The following ABI3 variants were observed in gnomAD, a reference collection of about 807,000 sequenced individuals.
ABI3 encodes the protein ABI gene family member 3.
ABI3 carries 24 observed loss-of-function variants against 37.0 expected under a neutral mutation model. That is an observed-to-expected ratio of 0.65 (90% CI 0.47 to 0.91). The LOEUF (loss-of-function observed/expected upper bound fraction) is 0.91. Among genes scored for constraint, ABI3 ranks in the 40% least tolerant of loss-of-function variants. The probability of loss-of-function intolerance (pLI) is 0.00; values close to 1 mark genes in which losing one functional copy is unlikely to be tolerated. For synonymous variants in ABI3, 220 were observed against 211.8 expected (o/e 1.04, Z -0.34); for missense variants, 481 against 485.1 (o/e 0.99, Z 0.08).
Position 49,222,992 on chromosome 17 carries a change from T to C in ABI3, c.*277T>C. ...AGGGTCTCCTGCTGCAAGTCCCAAC[T>C]TTGAATAAAACAGATGATGTCCTGT... On this transcript the variant is annotated 3_prime_UTR_variant, in exon 8 of 8. Coordinates refer to ENST00000225941, the MANE Select transcript of ABI3 (RefSeq NM_016428.3). The C allele has an allele frequency of 2.0e-6, 1 of 506,976 alleles. No homozygotes were observed. Among genetic ancestry groups the C allele is most frequent in the Non-Finnish European group, 3.5e-6 (1 of 285,724 alleles). 31.4% of individuals were successfully genotyped at this position (506,976 alleles called of 1,614,324 possible).
chr17:49,219,908 G>A lies in ABI3; in HGVS notation c.599G>A (p.Gly200Asp), dbSNP rs573287028. Residue 200 changes from glycine to aspartate, a missense_variant, in exon 5 of 8, where the codon GGC (glycine) becomes GAC (aspartate). Physicochemically the swap from Gly to Asp is moderately conservative, Grantham distance 94. Coordinates refer to ENST00000225941, the MANE Select transcript of ABI3 (RefSeq NM_016428.3). This position sits in a 1 kb window ranked among gnomAD's most constrained non-coding sequence, Gnocchi z 4.3. The part of the protein sequence containing the change: ...EPVHLPVVPD[G>D]RLSAASSAFS... Reference sequence around the variant, plus strand: ...GTGCACCTGCCGGTGGTGCCCGACGGCAGACTCTCCGCCGCCTCCTCTGCG... The same window carrying A: ...GTGCACCTGCCGGTGGTGCCCGACGACAGACTCTCCGCCGCCTCCTCTGCG... 2.6e-6 allele frequency: 4 copies of A among 1,556,964 alleles called. No homozygotes were observed. In the African/African-American group the frequency reaches 5.4e-5, roughly 21 times the overall value.
Position 49,219,527 on chromosome 17 carries a change from C to T in ABI3, c.463-13C>T, listed in dbSNP as rs777747213. 1.3e-5 allele frequency: 20 copies of T among 1,590,922 alleles called. No individual in the cohort carries two copies. In the South Asian group the frequency reaches 2.1e-4, roughly 16 times the overall value. ...CACCCCAAATGTAAGCCCTACCTCC[C>T]GCTCCCTCGCAGGACCTCAGCACGC... On this transcript the variant is annotated splice_polypyrimidine_tract_variant and intron_variant, in intron 3 of 7. Transcript: ENST00000225941. The surrounding 1 kb of genome is among the most constrained non-coding windows in gnomAD (Gnocchi z 4.3).
In ABI3 at chr17:49,220,948, G is replaced by C. The variant is rs371228642; in HGVS notation, c.802+622G>C. Among the ~76,000 whole-genome samples the C allele has an allele frequency of 3.4e-4, 51 of 151,860 alleles. 2 individuals are homozygous for C. The East Asian group carries it at 8.5e-3, about 25-fold the overall frequency. ...TCACGGCCGTAATCCCGGCACTTTG[G>C]GGGGCTGTGGAGGGCGGATCACTTG... On this transcript the variant is annotated intron_variant, in intron 6 of 7. Transcript: ENST00000225941.
Position 49,221,974 on chromosome 17 carries a change from C to T in ABI3, c.803-117C>T, listed in dbSNP as rs2043294733. On this transcript the variant is annotated intron_variant, in intron 6 of 7. Transcript: ENST00000225941. The stretch of plus-strand genomic sequence containing the variant: ...CCTCAGGTGATCTGCCCGCCTTGGC[C>T]TCCCAACGTGCCTCGCTGAGATGGG... 8 of 1,375,784 alleles carry T rather than the reference C, an allele frequency of 5.8e-6. No homozygotes were observed. The Admixed American group carries it at 1.7e-4, about 28-fold the overall frequency. 85.2% of individuals were successfully genotyped at this position (1,375,784 alleles called of 1,614,324 possible).
rs1348338955 is a variant in ABI3 at position 49,220,171 on chromosome 17, GCGCCGAAGGTGTCGGTGGGGCCC to G, written c.649_671del (p.Ala217HisfsTer63). ...CAACCGGGCTCTCTGGTGTTCAGCAGCGCCGAAGGTGTCGGTGGGGCCCCCACGCCCAAGGGGCAGGCAGCACC... is the reference window on the plus strand; with the variant it reads ...CAACCGGGCTCTCTGGTGTTCAGCAGCCACGCCCAAGGGGCAGGCAGCACC... On this transcript the variant is annotated frameshift_variant, in exon 6 of 8. Coordinates refer to ENST00000225941, the MANE Select transcript of ABI3 (RefSeq NM_016428.3). LOFTEE classifies it high-confidence loss of function. 35 of 1,611,914 alleles carry G rather than the reference GCGCCGAAGGTGTCGGTGGGGCCC, an allele frequency of 2.2e-5. No individual in the cohort carries two copies. Among genetic ancestry groups the G allele is most frequent in the Non-Finnish European group, 2.9e-5 (34 of 1,179,964 alleles).
chr17:49,222,525 A>T, intron 7 of ABI3, 27 bp from the exon 8 acceptor site: 1 of 1,610,546 alleles, frequency 6.2e-7, no homozygotes, highest in South Asian at 1.1e-5. Flanking sequence ...GCATTATCTC[A>T]CGGCACCCTC....
rs371106947 is a variant in ABI3 at position 49,222,116 on chromosome 17, C to T, written c.828C>T (p.Asp276=). ...ACGAAGAGCTGCCCCTGCCACTGGA[C>T]CTGCCTCCTCCTCCACCCCTGGATG... is the stretch of plus-strand genomic sequence containing the variant. ...PPDEELPLPL[D]LPPPPPLDGD... is the part of the protein sequence containing the mutation. The change falls in exon 7 of 8, where the codon GAC becomes GAT. Residue 276 remains aspartate (D), a synonymous_variant. Coordinates refer to ENST00000225941, the MANE Select transcript of ABI3 (RefSeq NM_016428.3). The T allele has an allele frequency of 2.0e-5, 32 of 1,611,464 alleles. No homozygotes were observed. Among genetic ancestry groups the T allele is most frequent in the Middle Eastern group, 3.3e-4 (2 of 6,012 alleles).
chr17:49,219,094 C>T lies in ABI3; in HGVS notation c.463-446C>T, dbSNP rs1042024665. ...CCCTCTAAGTGGCCTGGGTCTTGCT[C>T]CTCTCTGCCCTAACTCCCCAAAGCC... On this transcript the variant is annotated intron_variant, in intron 3 of 7. Coordinates refer to ENST00000225941, the MANE Select transcript of ABI3 (RefSeq NM_016428.3). The surrounding 1 kb of genome is among the most constrained non-coding windows in gnomAD (Gnocchi z 4.3). 1.6e-4 allele frequency among the ~76,000 whole-genome samples: 24 copies of T among 152,238 alleles called. No individual in the cohort carries two copies. Among genetic ancestry groups the T allele is most frequent in the Non-Finnish European group, 2.8e-4 (19 of 68,022 alleles).
At chr17:49,214,376 T>C (rs1360374676) in intron 1 of ABI3, among the ~76,000 whole-genome samples, 1 of 152,120 alleles carries the variant, frequency 6.6e-6, no homozygotes, top group Non-Finnish European at 1.5e-5. Flanking sequence ...CCGGAGAAGT[T>C]TTGCCCTAGC....
Position 49,219,780 on chromosome 17 carries a change from C to T in ABI3, c.549-78C>T. 1 of 1,474,086 alleles carries T rather than the reference C, an allele frequency of 6.8e-7. No individual in the cohort carries two copies. Among genetic ancestry groups the T allele is most frequent in the Non-Finnish European group, 9.2e-7 (1 of 1,088,704 alleles). The allele number at this position is 1,474,086 out of a possible 1,614,324, so 91.3% of individuals were successfully genotyped here. On this transcript the variant is annotated intron_variant, in intron 4 of 7. Transcript: ENST00000225941. This position sits in a 1 kb window ranked among gnomAD's most constrained non-coding sequence, Gnocchi z 4.3. Reference sequence around the variant, plus strand: ...CAAACCTCCCCCTCGGCCACCTGCCCTTCCTGCTCGCACCCGACCCCTGCT... The same window carrying T: ...CAAACCTCCCCCTCGGCCACCTGCCTTTCCTGCTCGCACCCGACCCCTGCT...
rs2043220955 is a variant in ABI3, at chr17:49,216,623, G to C, written c.210G>C (p.Gly70=). The part of the protein sequence containing the change: ...SVAYQVGNLA[G]HTLRMLDLQG... The stretch of plus-strand genomic sequence containing the variant: ...CCTACCAGGTGGGCAACCTGGCCGG[G>C]CACACTCTGCGCATGTTGGACCTGC... Residue 70 remains glycine (G), a synonymous_variant, in exon 2 of 8, where the codon GGG becomes GGC. Coordinates refer to ENST00000225941, the MANE Select transcript of ABI3 (RefSeq NM_016428.3). 6.2e-7 allele frequency: 1 copy of C among 1,611,292 alleles called. No individual in the cohort carries two copies. Among genetic ancestry groups the C allele is most frequent in the Non-Finnish European group, 8.5e-7 (1 of 1,179,030 alleles).
chr17:49,221,057 C>T lies in ABI3; in HGVS notation c.802+731C>T, dbSNP rs915194697. Among the ~76,000 whole-genome samples, 5 of 151,120 alleles carry T rather than the reference C, an allele frequency of 3.3e-5. No individual in the cohort carries two copies. In the East Asian group the frequency reaches 9.8e-4, roughly 30 times the overall value. On this transcript the variant is annotated intron_variant, in intron 6 of 7. Transcript: ENST00000225941. ...GCGTGGTGGTGCGTGCCTGTAATTCCAGCTACTCAGGAGGCTGAGGCAGGA... is the reference window on the plus strand; with the variant it reads ...GCGTGGTGGTGCGTGCCTGTAATTCTAGCTACTCAGGAGGCTGAGGCAGGA...
chr17:49,217,652 A>G (rs1482503309), intron 2 of ABI3, 87 bp from the exon 3 acceptor site: 1 of 1,232,764 alleles, frequency 8.1e-7, no homozygotes, highest in Non-Finnish European at 1.1e-6. Context: ...TCCCCCCCCC[A>G]GCCCAGTCTT....
At chr17:49,212,073 T>G (rs1039659435) in intron 1 of ABI3, among the ~76,000 whole-genome samples, 6 of 152,076 alleles carry the variant, frequency 3.9e-5, no homozygotes, top group Admixed American at 2.0e-4. Flanking sequence ...CACCTCAGCC[T>G]TCTGAGTAGC....
At chr17:49,216,741 C>T in intron 2 of ABI3, 43 bp downstream of exon 2, 1 of 1,413,882 alleles carries the variant, frequency 7.1e-7, no homozygotes, top group Non-Finnish European at 9.3e-7. Context: ...TGTCAGGCCT[C>T]AACTCTTCAG....
At chr17:49,215,968 G>A (rs892752578) in intron 1 of ABI3, among the ~76,000 whole-genome samples, 47 of 151,682 alleles carry the variant, frequency 3.1e-4, no homozygotes, top group Non-Finnish European at 8.8e-5. Flanking sequence ...AAAATAAGCT[G>A]GGCGTGGTGG....
chr17:49,215,989 T>G (rs1322104032), intron 1 of ABI3, among the ~76,000 whole-genome samples: 2 of 151,424 alleles, frequency 1.3e-5, no homozygotes, highest in Non-Finnish European at 2.9e-5. Context: ...CACATGCTTG[T>G]AATCCCAACT....
In ABI3 at chr17:49,219,430, G is replaced by C. The variant is rs1233709449; in HGVS notation, c.463-110G>C. 5.4e-6 allele frequency: 5 copies of C among 930,220 alleles called. No individual in the cohort carries two copies. The highest frequency in any genetic ancestry group is 4.8e-5 in the South Asian group (3 of 62,206). The allele number at this position is 930,220 out of a possible 1,614,324, so 57.6% of individuals were successfully genotyped here. A position where few individuals can be genotyped will look rare whatever the true frequency, so the allele number is the denominator to read the frequency against. The stretch of plus-strand genomic sequence containing the variant: ...AGTGGAAGTGGGAACTGGCTATGCC[G>C]GGCTCTCCCTCCCGGTTCCCGTCCG... On this transcript the variant is annotated intron_variant, in intron 3 of 7. Transcript: ENST00000225941. This position sits in a 1 kb window ranked among gnomAD's most constrained non-coding sequence, Gnocchi z 4.3.
chr17:49,216,690 C>A lies in ABI3; in HGVS notation c.277C>A (p.Leu93Met). 1 of 1,565,648 alleles carries A rather than the reference C, an allele frequency of 6.4e-7. No homozygotes were observed. The highest frequency in any genetic ancestry group is 1.4e-5 in the African/African-American group (1 of 73,414). ...LRQVEARVST[L>M]GQMVNMHMEK... ...GCAGGTGGAAGCCCGTGTAAGCACG[C>A]TGGGCCAGGTAAGGGGCGTGGGGCG... Residue 93 changes from leucine to methionine, a missense_variant, in exon 2 of 8, where the codon CTG (leucine) becomes ATG (methionine). Physicochemically the swap from Leu to Met is conservative, Grantham distance 15 (BLOSUM62 2). Transcript: ENST00000225941.
Sources: gnomAD v4.1 joint callset for allele counts (sites outside exome capture counted in the v4.1 genomes callset) on GRCh38, gnomAD v4.1.1 for gene constraint, Gnocchi (gnomAD v3.1) non-coding constraint, MANE v1.5 for transcripts, NCBI Gene and HGNC (gene_info 2026-07-23, HGNC 2026-07-21) for gene names.